Variants in SLC4A4 observed in about 807,000 individuals in gnomAD.
SLC4A4 encodes solute carrier family 4 member 4, also known as electrogenic sodium bicarbonate cotransporter 1.
SLC4A4 carries 27 observed loss-of-function variants against 111.5 expected under a neutral mutation model. The observed-to-expected ratio is 0.24, with a 90% CI of 0.18 to 0.33. SLC4A4 has a LOEUF of 0.33. Ranked by LOEUF, SLC4A4 falls within the 10% of genes least tolerant of loss-of-function variation. The pLI is 1.00. For missense variants in SLC4A4, 909 were observed against 1,315.5 expected (o/e 0.69, Z 4.78); for synonymous variants, 443 against 463.4 (o/e 0.96, Z 0.57).
chr4:71,560,678 C>T (rs769005030), intron 23 of SLC4A4, among the ~76,000 whole-genome samples: 13 of 151,772 alleles, frequency 8.6e-5, no homozygotes, highest in Middle Eastern at 3.2e-3. Context: ...TCTCACTTCA[C>T]GTGATCTGTG....
intron 3 of SLC4A4, among the ~76,000 whole-genome samples, chr4:71,267,288 G>A (rs1045224098): frequency 6.6e-6 from 1 of 152,118 alleles, no homozygotes; most frequent in Admixed American, 6.5e-5. Context: ...AAGGTAGGGA[G>A]GTTAGGAAAG....
chr4:71,523,643 G>C (rs1733158780), intron 16 of SLC4A4, among the ~76,000 whole-genome samples: 1 of 152,012 alleles, frequency 6.6e-6, no homozygotes, highest in African/African-American at 2.4e-5. Flanking sequence ...TTATCCATCA[G>C]AGAAAAGTCA....
chr4:71,148,624 C>T (rs887646640), intron 2 of SLC4A4, among the ~76,000 whole-genome samples: 2 of 152,038 alleles, frequency 1.3e-5, no homozygotes, highest in Non-Finnish European at 2.9e-5. Context: ...CTTTAGCTTC[C>T]ACTTATAAAA....
chr4:71,420,383 G>T (rs536921893), intron 7 of SLC4A4, among the ~76,000 whole-genome samples: 1 of 152,306 alleles, frequency 6.6e-6, no homozygotes, highest in Non-Finnish European at 1.5e-5. Context: ...AAGTGATGGG[G>T]AGAATGGAAC....
intron 1 of SLC4A4, among the ~76,000 whole-genome samples, chr4:71,081,347 T>C (rs1741988467): frequency 2.6e-5 from 4 of 152,208 alleles, no homozygotes; most frequent in Middle Eastern, 3.4e-3. Flanking sequence ...CCAAACTGGG[T>C]TGCCACAGAT....
intron 14 of SLC4A4, among the ~76,000 whole-genome samples, chr4:71,485,752 T>A (rs1331462883): frequency 6.6e-6 from 1 of 151,576 alleles, no homozygotes; most frequent in African/African-American, 2.4e-5. Context: ...TCTTGTTTTT[T>A]TTCTTCCCCA....
chr4:71,333,675 C>T lies in SLC4A4; in HGVS notation c.254-5695C>T, dbSNP rs144714376. On this transcript the variant is annotated intron_variant, in intron 3 of 25. Coordinates refer to ENST00000264485, the MANE Select transcript of SLC4A4 (RefSeq NM_001098484.3). ...CCATGCAGGAACCAGGGCCTGGAGC[C>T]GGGAACTTTAGGAATCTATTTGGTA... Among the ~76,000 whole-genome samples the T allele has an allele frequency of 2.4e-3, 359 of 152,230 alleles. 3 individuals are homozygous for T. The highest frequency in any genetic ancestry group is 8.0e-3 in the African/African-American group (332 of 41,552).
chr4:71,540,777 A>G (rs1734972614), intron 18 of SLC4A4, among the ~76,000 whole-genome samples: 1 of 152,164 alleles, frequency 6.6e-6, no homozygotes, highest in African/African-American at 2.4e-5. Flanking sequence ...GTATCTGTCA[A>G]TGAATACTTA....
At position 71,103,514 on chromosome 4, in the gene SLC4A4, C is replaced by G. The variant is rs1023105559; in HGVS notation, c.-2+10722C>G. On this transcript the variant is annotated intron_variant, in intron 2 of 26. Transcript: ENST00000649996. ...CACCTATTCCAAAATTGACCACATA[C>G]TTGGAAGTAAAGCTCTCCTCAGCAA... Among the ~76,000 whole-genome samples, 830 of 152,122 alleles carry G rather than the reference C, an allele frequency of 5.5e-3. 10 individuals carry two copies. The highest frequency in any genetic ancestry group is 0.019 in the African/African-American group (803 of 41,486).
chr4:71,342,872 G>A (rs974326608), intron 4 of SLC4A4, among the ~76,000 whole-genome samples: 12 of 152,288 alleles, frequency 7.9e-5, no homozygotes, highest in African/African-American at 2.6e-4. Flanking sequence ...GAGCACGTGT[G>A]CCATTTTGCT....
intron 1 of SLC4A4, among the ~76,000 whole-genome samples, chr4:71,086,295 A>T (rs921522468): frequency 8.8e-5 from 13 of 147,554 alleles, no homozygotes; most frequent in Non-Finnish European, 1.5e-4. Context: ...CAGCTTAAGG[A>T]GATTTTGGGC....
At chr4:71,365,973 G>A (rs945136610) in intron 6 of SLC4A4, among the ~76,000 whole-genome samples, 1 of 152,060 alleles carries the variant, frequency 6.6e-6, no homozygotes, top group Admixed American at 6.5e-5. Flanking sequence ...CACATCACCC[G>A]GTCCAGGTCT....
At chr4:71,173,394 T>A (rs1042099602) in intron 2 of SLC4A4, among the ~76,000 whole-genome samples, 24 of 152,278 alleles carry the variant, frequency 1.6e-4, no homozygotes, top group African/African-American at 3.1e-4. Context: ...TTAATTTATT[T>A]ATTTTGAAAT....
At chr4:71,194,239 A>C (rs1326224061) in intron 1 of SLC4A4, among the ~76,000 whole-genome samples, 1 of 152,242 alleles carries the variant, frequency 6.6e-6, no homozygotes, top group African/African-American at 2.4e-5. Context: ...TATGAGGAAC[A>C]GATAAAGTGA....
intron 3 of SLC4A4, among the ~76,000 whole-genome samples, chr4:71,312,123 A>G (rs1244617396): frequency 6.6e-6 from 1 of 152,222 alleles, no homozygotes; most frequent in Non-Finnish European, 1.5e-5. Context: ...ACCAACTACC[A>G]TCAGAGAATA....
intron 16 of SLC4A4, among the ~76,000 whole-genome samples, chr4:71,516,264 T>A (rs1732389310): frequency 6.6e-6 from 1 of 151,186 alleles, no homozygotes; most frequent in Non-Finnish European, 1.5e-5. Context: ...CCCGGCTAAT[T>A]TTTTTTGTAT....
intron 3 of SLC4A4, among the ~76,000 whole-genome samples, chr4:71,274,640 A>G (rs1722942938): frequency 6.6e-6 from 1 of 152,114 alleles, no homozygotes; most frequent in Non-Finnish European, 1.5e-5. Flanking sequence ...CCTGAGAGAG[A>G]TGAGGGTGAT....
intron 2 of SLC4A4, among the ~76,000 whole-genome samples, chr4:71,175,538 G>A (rs1046989191): frequency 3.9e-5 from 6 of 152,196 alleles, no homozygotes; most frequent in Admixed American, 6.5e-5. Context: ...TATATCCCGC[G>A]CGTGGCTTGG....
chr4:71,460,168 C>CA (rs1726687894), intron 12 of SLC4A4, among the ~76,000 whole-genome samples: 1 of 151,820 alleles, frequency 6.6e-6, no homozygotes, highest in African/African-American at 2.4e-5. Flanking sequence ...TTTGTGTAGC[C>CA]AAAATCGTCA....
Sources: allele counts gnomAD v4.1 joint callset (sites outside exome capture counted in the v4.1 genomes callset), GRCh38; gene constraint gnomAD v4.1.1; transcripts MANE v1.5; gene names NCBI Gene and HGNC (gene_info 2026-07-23, HGNC 2026-07-21).